The following ATAD3B variants were observed in gnomAD, a reference collection of about 807,000 sequenced individuals.
ATAD3B encodes the protein ATPase family AAA domain-containing protein 3B.
A neutral mutation model predicts 70.2 loss-of-function variants in ATAD3B; 59 were observed. The observed-to-expected ratio is 0.84, with a 90% CI of 0.68 to 1.04. The LOEUF (loss-of-function observed/expected upper bound fraction) is 1.04. ATAD3B is among the 50% of genes least tolerant of loss of function. The probability of loss-of-function intolerance (pLI) is 0.00; values close to 1 mark genes in which losing one functional copy is unlikely to be tolerated. For synonymous variants in ATAD3B, 423 were observed against 388.6 expected, an observed-to-expected ratio of 1.09 and a Z score of -1.04; for missense variants, 961 against 913.4, an observed-to-expected ratio of 1.05 and a Z score of -0.67.
intron 1 of ATAD3B, among the ~76,000 whole-genome samples, 171 bp downstream of exon 1, chr1:1,472,260 CTT>C (rs1194936139): frequency 6.6e-6 from 1 of 152,032 alleles, no homozygotes; most frequent in Non-Finnish European, 1.5e-5. Flanking sequence ...GGATCGGACT[CTT>C]TCCGTCACCC....
chr1:1,485,675 T>G, intron 8 of ATAD3B, 107 bp from the exon 9 acceptor site: 1 of 1,529,988 alleles, frequency 6.5e-7, no homozygotes. Flanking sequence ...CTGGCTGTGC[T>G]TTGGGGCAGC....
intron 15 of ATAD3B, among the ~76,000 whole-genome samples, chr1:1,493,649 T>C (rs1231249558): frequency 6.6e-6 from 1 of 151,340 alleles, no homozygotes; most frequent in Non-Finnish European, 1.5e-5. Context: ...CATAAAAGTG[T>C]GTTGAATTTT....
chr1:1,503,675 G>A, the ATAD3B span: 1 of 1,611,196 alleles, frequency 6.2e-7, no homozygotes, highest in Non-Finnish European at 8.5e-7. Context: ...AGTGGGGCCG[G>A]TGTGGGTGGG....
downstream of ATAD3B, among the ~76,000 whole-genome samples, chr1:1,498,349 G>C (rs532651174): frequency 2.8e-3 from 427 of 151,906 alleles, 3 homozygotes; most frequent in African/African-American, 9.7e-3. Flanking sequence ...TGTGCCTGTG[G>C]TCCCAGCTTG....
chr1:1,504,644 C>T, the ATAD3B span, among the ~76,000 whole-genome samples: 2 of 147,006 alleles, frequency 1.4e-5, no homozygotes, highest in Non-Finnish European at 2.9e-5. Context: ...GAGGGAAACT[C>T]TGTCTCAAAA....
intron 15 of ATAD3B, among the ~76,000 whole-genome samples, chr1:1,493,084 C>G (rs1297687888): frequency 2.6e-5 from 4 of 152,022 alleles, no homozygotes; most frequent in Non-Finnish European, 5.9e-5. Context: ...GCACTCCAGT[C>G]TGGGCGACAG....
chr1:1,503,297 T>G, the ATAD3B span: 11 of 371,172 alleles, frequency 3.0e-5, no homozygotes, highest in Non-Finnish European at 4.0e-5. Flanking sequence ...GACTTTGTGT[T>G]GAATTGGGCA....
At chr1:1,503,679 G>A in the ATAD3B span, 2 of 1,611,040 alleles carry the variant, frequency 1.2e-6, no homozygotes. Flanking sequence ...GGGCCGGTGT[G>A]GGTGGGGAGG....
chr1:1,488,407 T>C (rs1019195453), intron 12 of ATAD3B, among the ~76,000 whole-genome samples: 7 of 151,962 alleles, frequency 4.6e-5, no homozygotes, highest in Non-Finnish European at 1.0e-4. Context: ...TTTGTAACGT[T>C]AGTAGAGATG....
intron 13 of ATAD3B, chr1:1,489,800 G>T (rs1640433043): frequency 7.8e-7 from 1 of 1,283,410 alleles, no homozygotes; most frequent in Non-Finnish European, 1.0e-6. Flanking sequence ...GCTCCCTGGA[G>T]CCCTGACTCA....
Position 1,492,806 on chromosome 1 carries a change from G to C in ATAD3B, c.1614+2135G>C, listed in dbSNP as rs143901429. On this transcript the variant is annotated intron_variant, in intron 15 of 15. Coordinates refer to ENST00000673477, the MANE Select transcript of ATAD3B (RefSeq NM_031921.6). ...ATAAAAAAATTATCCAGGCGTGGTG[G>C]CTGGCGCCTGTAGTCCCAGCTACTC... 3.7e-3 allele frequency among the ~76,000 whole-genome samples: 561 copies of C among 151,908 alleles called. 13 individuals are homozygous for C. The highest frequency in any genetic ancestry group is 0.013 in the African/African-American group (535 of 41,450).
chr1:1,494,057 T>C (rs1237004646), intron 15 of ATAD3B, among the ~76,000 whole-genome samples: 2 of 152,052 alleles, frequency 1.3e-5, no homozygotes, highest in Admixed American at 6.6e-5. Flanking sequence ...TGACCTTTTA[T>C]AGCTTGAAGA....
intron 14 of ATAD3B, 50 bp from the exon 15 acceptor site, chr1:1,490,513 G>A: frequency 6.2e-7 from 1 of 1,611,114 alleles, no homozygotes. Flanking sequence ...TCCACCTCAT[G>A]GTGTGGGGTC....
the ATAD3B span, among the ~76,000 whole-genome samples, chr1:1,508,105 T>A: frequency 6.6e-6 from 1 of 152,162 alleles, no homozygotes; most frequent in Non-Finnish European, 1.5e-5. Flanking sequence ...GGGTGGACCC[T>A]GAGGGTCCCT....
At position 1,488,311 on chromosome 1, in the gene ATAD3B, G is replaced by T. The variant is rs1043385958; in HGVS notation, c.1266+397G>T. ...GTCGCCCAGGCTGGAGTGCAGGGGC[G>T]ACATCTCCAGCTCAAGCAGTCCTCC... On this transcript the variant is annotated intron_variant, in intron 12 of 15. Coordinates refer to ENST00000673477, the MANE Select transcript of ATAD3B (RefSeq NM_031921.6). Among the ~76,000 whole-genome samples, 7 of 151,792 alleles carry T rather than the reference G, an allele frequency of 4.6e-5. 2 individuals carry two copies. Among genetic ancestry groups the T allele is most frequent in the Admixed American group, 4.6e-4 (7 of 15,218 alleles).
At chr1:1,478,492 G>A in intron 2 of ATAD3B, 152 bp from the exon 3 acceptor site, 1 of 1,548,992 alleles carries the variant, frequency 6.5e-7, no homozygotes, top group East Asian at 2.4e-5. Context: ...GCCTGATCCT[G>A]GGTGCAGATG....
rs542194418 is a variant in ATAD3B at position 1,472,745 on chromosome 1, T to C, written c.205+656T>C. On this transcript the variant is annotated intron_variant, in intron 1 of 15. Coordinates refer to ENST00000673477, the MANE Select transcript of ATAD3B (RefSeq NM_031921.6). Reference sequence around the variant, plus strand: ...TTAACGATTTGTAGCACGATGCAGTTCAAATGGCTAGGAGTCTGGAACGTA... The same window carrying C: ...TTAACGATTTGTAGCACGATGCAGTCCAAATGGCTAGGAGTCTGGAACGTA... Among the ~76,000 whole-genome samples, 34 of 152,058 alleles carry C rather than the reference T, an allele frequency of 2.2e-4. 1 individual carries two copies. The highest frequency in any genetic ancestry group is 4.4e-4 in the Non-Finnish European group (30 of 67,972).
chr1:1,508,177 C>T, the ATAD3B span, among the ~76,000 whole-genome samples: 3 of 151,664 alleles, frequency 2.0e-5, no homozygotes, highest in Non-Finnish European at 4.4e-5. Flanking sequence ...CAGTCCTGGG[C>T]CCCTGAGCCA....
chr1:1,489,479 G>A (rs2100587230), intron 13 of ATAD3B: 1 of 1,079,568 alleles, frequency 9.3e-7, no homozygotes, highest in Non-Finnish European at 1.3e-6. Context: ...GGCAGAGCTG[G>A]GGTCAGTCCT....
Sources: allele counts gnomAD v4.1 joint callset (sites outside exome capture counted in the v4.1 genomes callset), GRCh38; gene constraint gnomAD v4.1.1; transcripts MANE v1.5; gene names NCBI Gene and HGNC (gene_info 2026-07-23, HGNC 2026-07-21).